Variants in QSER1 observed in about 807,000 individuals in gnomAD.
QSER1 encodes glutamine and serine-rich protein 1.
In QSER1, 49 loss-of-function variants were observed where a neutral mutation model predicts 158.5. The ratio of observed to expected loss-of-function variants is 0.31; its 90% CI spans 0.25 to 0.39. The LOEUF is 0.39. Ranked by LOEUF, QSER1 falls within the 10% of genes least tolerant of loss-of-function variation. The pLI, the probability that QSER1 is intolerant of heterozygous loss-of-function variation, is 1.00. For synonymous variants in QSER1, 650 were observed against 715.5 expected, an observed-to-expected ratio of 0.91 and a Z score of 1.46; for missense variants, 1,754 against 2,010.3, an observed-to-expected ratio of 0.87 and a Z score of 2.44.
At chr11:32,923,148 C>T (rs373460399) in intron 1 of QSER1, among the ~76,000 whole-genome samples, 9 of 152,204 alleles carry the variant, frequency 5.9e-5, no homozygotes, top group African/African-American at 1.7e-4. Flanking sequence ...GAAATAACAA[C>T]ATAGATGAAT....
rs925012376 is a variant in QSER1, at chr11:32,976,575, G to T, written c.*101G>T. ...TCAAGTAGTGGCCTTCTGCAGGCCG[G>T]CCGCTTCCATCATGGAACTGTCATT... On this transcript the variant is annotated 3_prime_UTR_variant, in exon 13 of 13. Transcript: ENST00000650167. 1.1e-4 allele frequency: 139 copies of T among 1,291,666 alleles called. No homozygotes were observed. The East Asian group carries it at 2.4e-3, about 22-fold the overall frequency. 80.0% of individuals were successfully genotyped at this position (1,291,666 alleles called of 1,614,324 possible).
At chr11:32,912,587 C>T (rs576158026) in intron 1 of QSER1, among the ~76,000 whole-genome samples, 83 of 151,918 alleles carry the variant, frequency 5.5e-4, no homozygotes, top group Non-Finnish European at 9.0e-4. Context: ...ACTAACCAGG[C>T]GATGCTGATG....
intron 9 of QSER1, among the ~76,000 whole-genome samples, chr11:32,968,827 A>G (rs1045241130): frequency 2.0e-5 from 3 of 152,232 alleles, no homozygotes; most frequent in Non-Finnish European, 4.4e-5. Context: ...TCATCCCATC[A>G]TCATACTGAG....
intron 10 of QSER1, 122 bp from the exon 11 acceptor site, chr11:32,973,275 G>A (rs2133614372): frequency 1.0e-6 from 1 of 975,968 alleles, no homozygotes; most frequent in East Asian, 2.4e-5. Context: ...GTGTTTGTGT[G>A]CACACACACC....
At chr11:32,931,468 C>T (rs1283811807) in intron 3 of QSER1, among the ~76,000 whole-genome samples, 1 of 151,842 alleles carries the variant, frequency 6.6e-6, no homozygotes, top group Admixed American at 6.6e-5. Context: ...GTCTCAGCTA[C>T]TTGGGACACT....
intron 7 of QSER1, among the ~76,000 whole-genome samples, chr11:32,956,918 T>C (rs1852523786): frequency 6.6e-6 from 1 of 151,434 alleles, no homozygotes; most frequent in South Asian, 2.1e-4. Context: ...GGACTACAGG[T>C]GTGCACCACT....
chr11:32,919,560 G>A (rs1851875456), intron 1 of QSER1, among the ~76,000 whole-genome samples: 1 of 152,146 alleles, frequency 6.6e-6, no homozygotes, highest in African/African-American at 2.4e-5. Context: ...TACTATCAAC[G>A]TGATTTATCA....
chr11:32,906,600 G>C (rs1294180762), intron 1 of QSER1, among the ~76,000 whole-genome samples: 1 of 151,852 alleles, frequency 6.6e-6, no homozygotes, highest in African/African-American at 2.4e-5. Context: ...TCATTGTAGA[G>C]ATGGGGTCTT....
Position 32,973,541 on chromosome 11 carries a change from T to G in QSER1, c.5350T>G (p.Ser1784Ala). 1 of 1,606,320 alleles carries G rather than the reference T, an allele frequency of 6.2e-7. No homozygotes were observed. The highest frequency in any genetic ancestry group is 8.5e-7 in the Non-Finnish European group (1 of 1,177,512). ...TLRTSKTTTKSAQEFAVDPEK... is the reference protein window; with the variant it reads ...TLRTSKTTTKAAQEFAVDPEK... Reference sequence around the variant, plus strand: ...AAGGACTTCTAAAACAACCACCAAATCTGCACAAGTAAGTGTAATTGATTA... The same window carrying G: ...AAGGACTTCTAAAACAACCACCAAAGCTGCACAAGTAAGTGTAATTGATTA... Residue 1784 changes from serine (S) to alanine (A), a missense_variant, in exon 11 of 13, where the codon TCT becomes GCT. Ser to Ala is a moderately conservative substitution (Grantham distance 99). Coordinates refer to ENST00000650167, the MANE Select transcript of QSER1 (RefSeq NM_001076786.3).
Position 32,935,032 on chromosome 11 carries a change from A to C in QSER1, c.3774A>C (p.Glu1258Asp). The change falls in exon 4 of 13, where the codon GAA becomes GAC. Residue 1258 changes from glutamate (E) to aspartate (D), a missense_variant. Glu to Asp is a conservative substitution (Grantham distance 45). Transcript: ENST00000650167. The part of the protein sequence containing the change: ...ESCHDGYQHQ[E>D]KMRQKIKEVE... ...GCCATGATGGTTATCAGCATCAAGA[A>C]AAAATGAGACAGAAGATCAAAGAGG... 6.2e-7 allele frequency: 1 copy of C among 1,614,122 alleles called. No individual in the cohort carries two copies. The highest frequency in any genetic ancestry group is 8.5e-7 in the Non-Finnish European group (1 of 1,180,006).
chr11:32,949,270 A>G (rs1852385087), intron 4 of QSER1, among the ~76,000 whole-genome samples: 1 of 152,176 alleles, frequency 6.6e-6, no homozygotes. Context: ...TTGTTCACAG[A>G]TAACTATGTG....
intron 1 of QSER1, among the ~76,000 whole-genome samples, chr11:32,906,711 CCAA>C (rs968455579): frequency 4.6e-5 from 7 of 152,188 alleles, no homozygotes; most frequent in African/African-American, 1.7e-4. Flanking sequence ...CTGCGCCTGG[CCAA>C]CAACAACACT....
intron 8 of QSER1, among the ~76,000 whole-genome samples, chr11:32,961,380 T>C (rs948077214): frequency 6.6e-6 from 1 of 152,192 alleles, no homozygotes; most frequent in Non-Finnish European, 1.5e-5. Context: ...TGCATGGTTT[T>C]ATAACATTGT....
intron 4 of QSER1, among the ~76,000 whole-genome samples, chr11:32,943,051 T>C (rs1303260674): frequency 6.6e-6 from 1 of 151,030 alleles, no homozygotes; most frequent in Admixed American, 6.6e-5. Flanking sequence ...TGTTGGTGTA[T>C]AGGAATGCTT....
chr11:32,920,521 T>C (rs1851886905), intron 1 of QSER1, among the ~76,000 whole-genome samples: 1 of 152,166 alleles, frequency 6.6e-6, no homozygotes, highest in Non-Finnish European at 1.5e-5. Context: ...AAAAAATAAA[T>C]TGGACTTCAA....
intron 4 of QSER1, among the ~76,000 whole-genome samples, chr11:32,943,535 T>A (rs2133566025): frequency 6.6e-6 from 1 of 150,606 alleles, no homozygotes; most frequent in Non-Finnish European, 1.5e-5. Context: ...CTGGATTACA[T>A]TTATTGATTT....
Position 32,973,257 on chromosome 11 carries a change from G to A in QSER1, c.5206-140G>A, listed in dbSNP as rs370677633. 4.9e-6 allele frequency: 4 copies of A among 822,770 alleles called. No individual in the cohort carries two copies. In the African/African-American group the frequency reaches 5.2e-5, roughly 11 times the overall value. 51.0% of individuals were successfully genotyped at this position (822,770 alleles called of 1,614,324 possible). On this transcript the variant is annotated intron_variant, in intron 10 of 12. Coordinates refer to ENST00000650167, the MANE Select transcript of QSER1 (RefSeq NM_001076786.3). ...CCCATCAGTACACACACACCTCTCTGCAAATAGGTGTTTGTGTGCACACAC... is the reference window on the plus strand; with the variant it reads ...CCCATCAGTACACACACACCTCTCTACAAATAGGTGTTTGTGTGCACACAC...
At chr11:32,931,628 G>A in intron 3 of QSER1, 115 bp from the exon 4 acceptor site, 1 of 759,660 alleles carries the variant, frequency 1.3e-6, no homozygotes, top group Non-Finnish European at 2.1e-6. Flanking sequence ...TAACTGGTCA[G>A]GTTTTTCAGT....
At chr11:32,965,500 A>G (rs1852724052) in intron 8 of QSER1, among the ~76,000 whole-genome samples, 1 of 152,200 alleles carries the variant, frequency 6.6e-6, no homozygotes. Context: ...TGTATTACTC[A>G]TACATTGGAT....
Sources: gnomAD v4.1 joint callset for allele counts (sites outside exome capture counted in the v4.1 genomes callset) on GRCh38, gnomAD v4.1.1 for gene constraint, MANE v1.5 for transcripts, NCBI Gene and HGNC (gene_info 2026-07-23, HGNC 2026-07-21) for gene names.